Variants in P2RX4 observed in about 807,000 individuals in gnomAD.
P2RX4 encodes purinergic receptor P2X 4.
A neutral mutation model predicts 48.0 loss-of-function variants in P2RX4; 37 were observed. The ratio of observed to expected loss-of-function variants is 0.77; its 90% CI spans 0.59 to 1.01. The LOEUF (loss-of-function observed/expected upper bound fraction) is 1.01. Among genes scored for constraint, P2RX4 ranks in the 50% least tolerant of loss-of-function variants. The pLI, the probability that P2RX4 is intolerant of heterozygous loss-of-function variation, is 0.00. For synonymous variants in P2RX4, 200 were observed against 199.7 expected, an observed-to-expected ratio of 1.00 and a Z score of -0.01; for missense variants, 501 against 521.4, an observed-to-expected ratio of 0.96 and a Z score of 0.38.
chr12:121,227,669 A>C (rs998542548), intron 5 of P2RX4, among the ~76,000 whole-genome samples: 1 of 152,204 alleles, frequency 6.6e-6, no homozygotes, highest in Non-Finnish European at 1.5e-5. Context: ...AAGAACCTGG[A>C]AGGCTCGGCT....
chr12:121,215,534 C>T (rs1886174921), intron 1 of P2RX4: 1 of 151,602 alleles, frequency 6.6e-6, no homozygotes, highest in Non-Finnish European at 1.5e-5. Context: ...GCCTCCGTCT[C>T]CCAGGCTCAA....
intron 5 of P2RX4, among the ~76,000 whole-genome samples, chr12:121,224,650 C>T (rs1886863481): frequency 6.6e-6 from 1 of 151,866 alleles, no homozygotes; most frequent in African/African-American, 2.4e-5. Flanking sequence ...TAAAAATCAA[C>T]TAAACTAGCC....
rs1035103979 is a variant in P2RX4, at chr12:121,226,518, G to A, written c.525-2015G>A. Among the ~76,000 whole-genome samples, 5 of 152,102 alleles carry A rather than the reference G, an allele frequency of 3.3e-5. No homozygotes were observed. The South Asian group carries it at 6.2e-4, about 19-fold the overall frequency. On this transcript the variant is annotated intron_variant, in intron 5 of 11. Transcript: ENST00000337233. ...AGATCATGCCACTGCGCTCCAGCCC[G>A]GGTGACAGAATAAGACCCTGTCTCA...
chr12:121,221,197 T>TGTGTGTGTGTGTG (rs1566003236), intron 2 of P2RX4, among the ~76,000 whole-genome samples: 3 of 91,028 alleles, frequency 3.3e-5, no homozygotes, highest in Non-Finnish European at 6.5e-5. Context: ...TGTGTGTGTG[T>TGTGTGTGTGTGTG]TTTTAGTACA....
intron 5 of P2RX4, chr12:121,223,401 C>T: frequency 3.1e-6 from 1 of 325,154 alleles, no homozygotes; most frequent in African/African-American, 2.1e-5. Context: ...CAGCCGGAAG[C>T]ACCTTCAACT....
At chr12:121,233,196 C>T (rs992739914) in intron 11 of P2RX4, 104 bp downstream of exon 11, 4 of 801,486 alleles carry the variant, frequency 5.0e-6, no homozygotes, top group African/African-American at 1.7e-5. Context: ...GAGGCTGGCA[C>T]CAGTGTGGCG....
At position 121,229,776 on chromosome 12, in the gene P2RX4, A is replaced by G. The variant is rs1368641998; in HGVS notation, c.884+677A>G. ...TGTCTCTCCTGGCTTCTGGTAGCCC[A>G]CGGTGTTCCTTGGCTTGTGGATGCA... On this transcript the variant is annotated intron_variant, in intron 8 of 11. Transcript: ENST00000337233. This position sits in a 1 kb window ranked among gnomAD's most constrained non-coding sequence, Gnocchi z 4.6. Among the ~76,000 whole-genome samples the G allele has an allele frequency of 1.3e-5, 2 of 152,128 alleles. No individual in the cohort carries two copies. Among genetic ancestry groups the G allele is most frequent in the Non-Finnish European group, 2.9e-5 (2 of 68,022 alleles).
At chr12:121,221,201 T>C (rs930014745) in intron 2 of P2RX4, among the ~76,000 whole-genome samples, 8 of 148,664 alleles carry the variant, frequency 5.4e-5, no homozygotes, top group Middle Eastern at 7.0e-3. Flanking sequence ...TGTGTGTTTT[T>C]AGTACAAAGT....
intron 1 of P2RX4, chr12:121,214,561 A>G (rs1886098594): frequency 6.6e-6 from 1 of 152,172 alleles, no homozygotes; most frequent in South Asian, 2.1e-4. Context: ...CTGTGTCTCT[A>G]AATTAAGCAA....
At position 121,232,212 on chromosome 12, in the gene P2RX4, C is replaced by G; in HGVS notation, c.885-202C>G. On this transcript the variant is annotated intron_variant, in intron 8 of 11. Transcript: ENST00000337233. This position sits in a 1 kb window ranked among gnomAD's most constrained non-coding sequence, Gnocchi z 4.3. ...CACTGGTGCTGGAGGAGGAGGTCTC[C>G]CTGTGCCCCTGTACCTCGTGGGCCC... 1.7e-6 allele frequency: 1 copy of G among 598,616 alleles called. No homozygotes were observed. The highest frequency in any genetic ancestry group is 2.0e-5 in the South Asian group (1 of 50,482). 37.1% of individuals were successfully genotyped at this position (598,616 alleles called of 1,614,324 possible).
chr12:121,215,309 T>C (rs1886155641), intron 1 of P2RX4: 1 of 152,082 alleles, frequency 6.6e-6, no homozygotes. Context: ...AGATTATAGA[T>C]GGGAAAAACT....
At chr12:121,220,844 G>C (rs1470364477) in intron 2 of P2RX4, among the ~76,000 whole-genome samples, 13 of 152,092 alleles carry the variant, frequency 8.5e-5, no homozygotes, top group Admixed American at 8.5e-4. Context: ...TGTCTCTATG[G>C]ACTTGACTGT....
chr12:121,226,600 C>T (rs1886989649), intron 5 of P2RX4, among the ~76,000 whole-genome samples: 1 of 152,140 alleles, frequency 6.6e-6, no homozygotes, highest in African/African-American at 2.4e-5. Context: ...GATTGCACAA[C>T]ATTATGAATG....
At chr12:121,225,683 T>A (rs1247797223) in intron 5 of P2RX4, among the ~76,000 whole-genome samples, 1 of 152,224 alleles carries the variant, frequency 6.6e-6, no homozygotes, top group Non-Finnish European at 1.5e-5. Flanking sequence ...AGTGCTGGGA[T>A]TGCACGCGTG....
Position 121,232,832 on chromosome 12 carries a change from T to C in P2RX4, c.1044+156T>C. 1 of 864,252 alleles carries C rather than the reference T, an allele frequency of 1.2e-6. No individual in the cohort carries two copies. The highest frequency in any genetic ancestry group is 1.3e-5 in the South Asian group (1 of 74,942). 53.5% of individuals were successfully genotyped at this position (864,252 alleles called of 1,614,324 possible). On this transcript the variant is annotated intron_variant, in intron 10 of 11. Transcript: ENST00000337233. This position sits in a 1 kb window ranked among gnomAD's most constrained non-coding sequence, Gnocchi z 4.3. The stretch of plus-strand genomic sequence containing the variant: ...CCCCCAGCCCTCCTCCCACCTTCCC[T>C]TCTCCAAGACCACCCCCCTCAGGTC...
At chr12:121,212,848 C>T (rs1406177194) in intron 1 of P2RX4, 2 of 67,992 alleles carry the variant, frequency 2.9e-5, no homozygotes, top group African/African-American at 6.0e-5. Context: ...TTTGGAGACT[C>T]ACTGCTAGCC....
chr12:121,212,808 A>ATTTT (rs1885953529), intron 1 of P2RX4: 1 of 30,262 alleles, frequency 3.3e-5, no homozygotes, highest in African/African-American at 1.5e-4. Context: ...ATATATATAT[A>ATTTT]TATATATATA....
At position 121,231,053 on chromosome 12, in the gene P2RX4, T is replaced by G. The variant is rs1189197071; in HGVS notation, c.885-1361T>G. On this transcript the variant is annotated intron_variant, in intron 8 of 11. Coordinates refer to ENST00000337233, the MANE Select transcript of P2RX4 (RefSeq NM_002560.3). The stretch of plus-strand genomic sequence containing the variant: ...CCCAGGTTGGAGTGCAGTGGTGCGA[T>G]TTCAGCTCACTGCAGCCTTTGCCTC... Among the ~76,000 whole-genome samples, 4 of 151,576 alleles carry G rather than the reference T, an allele frequency of 2.6e-5. No homozygotes were observed. The East Asian group carries it at 5.8e-4, about 22-fold the overall frequency.
rs946192297 is a variant in P2RX4, at chr12:121,232,358, A to G, written c.885-56A>G. On this transcript the variant is annotated intron_variant, in intron 8 of 11. Coordinates refer to ENST00000337233, the MANE Select transcript of P2RX4 (RefSeq NM_002560.3). This position sits in a 1 kb window ranked among gnomAD's most constrained non-coding sequence, Gnocchi z 4.3. ...CAGCTCCACTCTAACGTTCTCTCAC[A>G]GGGCCCAAGGTCCTGCCCCAGCCAT... is the stretch of plus-strand genomic sequence containing the variant. The G allele has an allele frequency of 1.2e-5, 15 of 1,220,908 alleles. No homozygotes were observed. Among genetic ancestry groups the G allele is most frequent in the East Asian group, 2.3e-5 (1 of 43,116 alleles). 75.6% of individuals were successfully genotyped at this position (1,220,908 alleles called of 1,614,324 possible).
Sources: gnomAD v4.1 joint callset for allele counts (sites outside exome capture counted in the v4.1 genomes callset) on GRCh38, gnomAD v4.1.1 for gene constraint, Gnocchi (gnomAD v3.1) non-coding constraint, MANE v1.5 for transcripts, NCBI Gene and HGNC (gene_info 2026-07-23, HGNC 2026-07-21) for gene names.